The following TEX51 variants were observed in gnomAD, a reference collection of about 807,000 sequenced individuals.
The protein encoded by TEX51 is testis-expressed protein 51.
Under a neutral mutation model 8.0 loss-of-function variants are expected in TEX51, and 14 were observed. That is an observed-to-expected ratio of 1.76 (90% CI 1.16 to 2.75). TEX51 has a LOEUF of 2.75. TEX51 is among the 30% of genes most tolerant of loss of function. The probability of loss-of-function intolerance (pLI) is 0.00; values close to 1 mark genes in which losing one functional copy is unlikely to be tolerated. For missense variants in TEX51, 142 were observed against 77.4 expected (o/e 1.83, Z -3.13); for synonymous variants, 58 against 28.6 (o/e 2.03, Z -3.29).
Position 126,901,366 on chromosome 2 carries a change from T to A in TEX51, c.465T>A (p.Asp155Glu). The A allele has an allele frequency of 1.4e-6, 1 of 702,294 alleles. No individual in the cohort carries two copies. Among genetic ancestry groups the A allele is most frequent in the Non-Finnish European group, 2.6e-6 (1 of 384,814 alleles). 43.5% of individuals were successfully genotyped at this position (702,294 alleles called of 1,614,324 possible). A position where few individuals can be genotyped will look rare whatever the true frequency, so the allele number is the denominator to read the frequency against. Residue 155 changes from aspartate (D) to glutamate (E), a missense_variant and splice_region_variant, in exon 6 of 7, where the codon GAT becomes GAA. Transcript: ENST00000568484. ...SSALLLAIAG[D>E]VSFTGKGRRR... ...ACTCCACCCTGTTTCTTGGCCCAGA[T>A]GTTTCTTTTACTGGCAAAGGAAGAA...
intron 6 of TEX51, 124 bp downstream of exon 6, chr2:126,901,528 A>T (rs115618463): frequency 0.024 from 15,180 of 637,990 alleles, 290 homozygotes; most frequent in Admixed American, 0.048. Flanking sequence ...TGCAGAACAG[A>T]GTGGGATCGA....
In TEX51 at chr2:126,899,632, C is replaced by A; in HGVS notation, c.310+20C>A. On this transcript the variant is annotated intron_variant, in intron 3 of 6. Transcript: ENST00000568484. ...AGAAGGGTAAGGGGTGGGGACGATC[C>A]CTGCACACGGCCCAGCCCTCCACAC... is the stretch of plus-strand genomic sequence containing the variant. 1 of 699,114 alleles carries A rather than the reference C, an allele frequency of 1.4e-6. No homozygotes were observed. Among genetic ancestry groups the A allele is most frequent in the South Asian group, 1.5e-5 (1 of 66,830 alleles). The allele number at this position is 699,114 out of a possible 1,614,324, so 43.3% of individuals were successfully genotyped here. A position where few individuals can be genotyped will look rare whatever the true frequency, so the allele number is the denominator to read the frequency against.
intron 3 of TEX51, 68 bp from the exon 4 acceptor site, chr2:126,899,868 G>A (rs1373288310): frequency 1.4e-6 from 1 of 702,170 alleles, no homozygotes; most frequent in Admixed American, 2.0e-5. Flanking sequence ...GTATGCATGG[G>A]GACTGGGCCT....
chr2:126,900,618 A>T (rs754268037), intron 4 of TEX51, among the ~76,000 whole-genome samples: 19 of 151,938 alleles, frequency 1.3e-4, no homozygotes, highest in Non-Finnish European at 1.5e-5. Flanking sequence ...CTCCACTCTC[A>T]GGCCTCCTCA....
chr2:126,899,370 T>C, intron 2 of TEX51, 79 bp downstream of exon 2: 3 of 697,800 alleles, frequency 4.3e-6, no homozygotes, highest in South Asian at 3.0e-5. Flanking sequence ...CAGAGGCCCA[T>C]GTGGCCATGG....
intron 2 of TEX51, 26 bp downstream of exon 2, chr2:126,899,317 C>T: frequency 1.4e-6 from 1 of 702,122 alleles, no homozygotes; most frequent in South Asian, 1.5e-5. Flanking sequence ...GCCCCAGGGC[C>T]TTGGGGCTTG....
Position 126,899,103 on chromosome 2 carries a change from A to T in TEX51, c.145+40A>T, listed in dbSNP as rs1343932918. 2.4e-5 allele frequency: 17 copies of T among 701,216 alleles called. No individual in the cohort carries two copies. The East Asian group carries it at 4.6e-4, about 19-fold the overall frequency. The allele number at this position is 701,216 out of a possible 1,614,324, so 43.4% of individuals were successfully genotyped here. Reference sequence around the variant, plus strand: ...TTCCTAGAGGATAATAATTTTCTCAAACCCTGGTACCTTGGTGAGGCACAG... The same window carrying T: ...TTCCTAGAGGATAATAATTTTCTCATACCCTGGTACCTTGGTGAGGCACAG... On this transcript the variant is annotated intron_variant, in intron 1 of 6. Transcript: ENST00000568484.
At position 126,899,385 on chromosome 2, in the gene TEX51, G is replaced by C. The variant is rs1399072920; in HGVS notation, c.220+94G>C. On this transcript the variant is annotated intron_variant, in intron 2 of 6. Coordinates refer to ENST00000568484, the MANE Select transcript of TEX51 (RefSeq NM_001322244.2). ...CAGAGGCCCATGTGGCCATGGGTGG[G>C]AGGTCTTGTGAAGGTGGGAGATGAA... is the stretch of plus-strand genomic sequence containing the variant. 3 of 691,168 alleles carry C rather than the reference G, an allele frequency of 4.3e-6. No homozygotes were observed. The East Asian group carries it at 8.1e-5, about 19-fold the overall frequency. 42.8% of individuals were successfully genotyped at this position (691,168 alleles called of 1,614,324 possible).
Position 126,901,852 on chromosome 2 carries a change from A to G in TEX51, c.*3-20A>G. ...GTGGGAGGTCAGGGTAGAAATGCCC[A>G]GCTTCTTCTCCCTCAGCAGGAACAG... On this transcript the variant is annotated intron_variant, in intron 6 of 6. Transcript: ENST00000568484. 1.7e-6 allele frequency: 1 copy of G among 593,872 alleles called. No individual in the cohort carries two copies. The highest frequency in any genetic ancestry group is 3.0e-6 in the Non-Finnish European group (1 of 332,718). 36.8% of individuals were successfully genotyped at this position (593,872 alleles called of 1,614,324 possible).
intron 6 of TEX51, 79 bp downstream of exon 6, chr2:126,901,483 C>G: frequency 1.4e-6 from 1 of 694,766 alleles, no homozygotes; most frequent in East Asian, 2.7e-5. Context: ...GTCTCAGGGC[C>G]TGGAACCCCA....
intron 4 of TEX51, 31 bp downstream of exon 4, chr2:126,900,050 C>T (rs966531449): frequency 1.4e-6 from 1 of 700,132 alleles, no homozygotes; most frequent in Admixed American, 2.0e-5. Context: ...CCAGCCTCTC[C>T]CCTCCCTGCC....
intron 3 of TEX51, 120 bp downstream of exon 3, chr2:126,899,732 T>G (rs1680222335): frequency 7.1e-6 from 5 of 699,682 alleles, no homozygotes; most frequent in Non-Finnish European, 1.3e-5. Context: ...CCCCTCTCCA[T>G]GAATGCCTTC....
Position 126,899,985 on chromosome 2 carries a change from CT to C in TEX51, c.362del (p.Phe121SerfsTer22), listed in dbSNP as rs1680241172. On this transcript the variant is annotated frameshift_variant, in exon 4 of 7. Transcript: ENST00000568484. LOFTEE classifies it high-confidence loss of function. Reference protein sequence around the residue: ...VTSCADCRTHFLSCNDPTFCP... With the variant: ...VTSCADCRTHXLSCNDPTFCP... ...CCAGCTGTGCTGACTGCAGGACTCA[CT>C]TCCTCTCCTGCAATGACCCCACTTT... 1.4e-6 allele frequency: 1 copy of C among 701,394 alleles called. No individual in the cohort carries two copies. Among genetic ancestry groups the C allele is most frequent in the African/African-American group, 1.7e-5 (1 of 57,200 alleles). 43.4% of individuals were successfully genotyped at this position (701,394 alleles called of 1,614,324 possible).
intron 4 of TEX51, 44 bp from the exon 5 acceptor site, chr2:126,901,166 C>T (rs1680308239): frequency 1.6e-6 from 1 of 609,120 alleles, no homozygotes; most frequent in South Asian, 1.9e-5. Context: ...TTGAGGTAGC[C>T]CTGCCTGGCC....
At chr2:126,899,331 T>A (rs1441651622) in intron 2 of TEX51, 40 bp downstream of exon 2, 2 of 701,874 alleles carry the variant, frequency 2.8e-6, no homozygotes, top group Admixed American at 4.0e-5. Context: ...GGGCTTGGGT[T>A]GACAAAGGCC....
chr2:126,899,816 C>A, intron 3 of TEX51, 120 bp from the exon 4 acceptor site: 1 of 702,234 alleles, frequency 1.4e-6, no homozygotes, highest in Non-Finnish European at 2.6e-6. Context: ...GTTTCTCTAC[C>A]TTCTCACCCT....
chr2:126,900,988 C>T (rs1473598413), intron 4 of TEX51, among the ~76,000 whole-genome samples: 1 of 152,238 alleles, frequency 6.6e-6, no homozygotes, highest in Non-Finnish European at 1.5e-5. Flanking sequence ...CAGCCATCCT[C>T]ACTGTCACTT....
chr2:126,901,281 G>C lies in TEX51; in HGVS notation c.463+3G>C. 1.4e-6 allele frequency: 1 copy of C among 699,714 alleles called. No homozygotes were observed. Among genetic ancestry groups the C allele is most frequent in the Non-Finnish European group, 2.6e-6 (1 of 383,270 alleles). The allele number at this position is 699,714 out of a possible 1,614,324, so 43.3% of individuals were successfully genotyped here. A position where few individuals can be genotyped will look rare whatever the true frequency, so the allele number is the denominator to read the frequency against. On this transcript the variant is annotated splice_donor_region_variant and intron_variant, in intron 5 of 6. Coordinates refer to ENST00000568484, the MANE Select transcript of TEX51 (RefSeq NM_001322244.2). ...TCTACTCCTGGCCATAGCTGGAGGTGGGTGAGTGACCTCTCCAAGCCCCAG... is the reference window on the plus strand; with the variant it reads ...TCTACTCCTGGCCATAGCTGGAGGTCGGTGAGTGACCTCTCCAAGCCCCAG...
At chr2:126,899,696 C>T (rs1363777428) in intron 3 of TEX51, 84 bp downstream of exon 3, 1 of 693,666 alleles carries the variant, frequency 1.4e-6, no homozygotes, top group Non-Finnish European at 2.6e-6. Context: ...ACTCTGCAGC[C>T]CCCTCGATCA....
Sources: allele counts gnomAD v4.1 joint callset (sites outside exome capture counted in the v4.1 genomes callset), GRCh38; gene constraint gnomAD v4.1.1; transcripts MANE v1.5; gene names NCBI Gene and HGNC (gene_info 2026-07-23, HGNC 2026-07-21).